Variants in BEND2 observed in about 807,000 individuals in gnomAD.
BEND2 encodes BEN domain-containing protein 2.
In BEND2, 19 loss-of-function variants were observed where a neutral mutation model predicts 43.8. That is an observed-to-expected ratio of 0.43 (90% confidence interval 0.30 to 0.64). BEND2 has a LOEUF of 0.64. BEND2 is among the 30% of genes least tolerant of loss of function. The pLI is 0.11. For synonymous variants in BEND2, 226 were observed against 210.1 expected, an observed-to-expected ratio of 1.08 and a Z score of -0.66; for missense variants, 544 against 574.0, an observed-to-expected ratio of 0.95 and a Z score of 0.53.
At chrX:18,174,777 C>T (rs777173933) in intron 11 of BEND2, among the ~76,000 whole-genome samples, 6 of 109,861 alleles carry the variant, frequency 5.5e-5, no homozygotes, top group Non-Finnish European at 9.5e-5. Flanking sequence ...AAAAGTGTCT[C>T]GTGTGATTCT....
intron 6 of BEND2, 64 bp from the exon 7 acceptor site, chrX:18,195,506 A>G: frequency 2.0e-6 from 2 of 1,020,798 alleles, no homozygotes; most frequent in East Asian, 3.1e-5. Flanking sequence ...ATCCTTCTGG[A>G]AAAAAGGTAA....
chrX:18,170,786 G>A, intron 13 of BEND2: 4 of 335,924 alleles, frequency 1.2e-5, no homozygotes, highest in Non-Finnish European at 1.6e-5. Flanking sequence ...TTCTAGTAAA[G>A]CCATTCAAGA....
chrX:18,210,801 T>C (rs7877299), intron 4 of BEND2, among the ~76,000 whole-genome samples: 2,067 of 111,800 alleles, frequency 0.018, 43 homozygotes, highest in African/African-American at 0.063. Flanking sequence ...AAACAGACAG[T>C]AAATAACCAT....
At chrX:18,173,933 G>A in intron 12 of BEND2, 97 bp downstream of exon 12, 3 of 724,126 alleles carry the variant, frequency 4.1e-6, no homozygotes, top group Non-Finnish European at 6.0e-6. Flanking sequence ...CATAAAAGTA[G>A]AGAGAATAGT....
At chrX:18,194,148 A>G (rs1318743019) in intron 7 of BEND2, among the ~76,000 whole-genome samples, 1 of 111,753 alleles carries the variant, frequency 8.9e-6, no homozygotes, top group Non-Finnish European at 1.9e-5. Flanking sequence ...AGATGTGGAG[A>G]AATTGGATCA....
At chrX:18,214,004 CTGTT>C (rs1010903541) in intron 2 of BEND2, 93 bp from the exon 3 acceptor site, 2 of 104,865 alleles carry the variant, frequency 1.9e-5, no homozygotes, top group Non-Finnish European at 4.0e-5. Flanking sequence ...ATTTTTTAAG[CTGTT>C]TTTTTTTTCT....
Position 18,176,111 on chromosome X carries a change from T to C in BEND2, c.1631-18A>G. On this transcript the variant is annotated intron_variant, in intron 10 of 13. Transcript: ENST00000380033. ...CAGATATTCTGCAAACAGCAGAAAG[T>C]ATTCACGAAAATTAGAAAAAAAAAT... 8.5e-7 allele frequency: 1 copy of C among 1,171,316 alleles called. No homozygotes were observed. Among genetic ancestry groups the C allele is most frequent in the Non-Finnish European group, 1.1e-6 (1 of 881,529 alleles).
intron 6 of BEND2, among the ~76,000 whole-genome samples, chrX:18,201,199 G>C (rs1298813310): frequency 9.1e-6 from 1 of 109,469 alleles, no homozygotes; most frequent in Non-Finnish European, 1.9e-5. Flanking sequence ...TTGGAGACCA[G>C]CCTGACCAAC....
intron 8 of BEND2, 99 bp downstream of exon 8, chrX:18,190,902 C>A: frequency 1.4e-6 from 1 of 693,343 alleles, no homozygotes; most frequent in Non-Finnish European, 2.1e-6. Context: ...TAAAATAGTA[C>A]TATTGGGGGA....
chrX:18,205,866 C>T (rs751922681), intron 4 of BEND2, among the ~76,000 whole-genome samples: 31 of 110,656 alleles, frequency 2.8e-4, no homozygotes, highest in Non-Finnish European at 4.7e-4. Context: ...TTTCACAAGC[C>T]CTCCAGGTGA....
At chrX:18,200,580 T>C (rs1318089985) in intron 6 of BEND2, among the ~76,000 whole-genome samples, 1 of 108,544 alleles carries the variant, frequency 9.2e-6, no homozygotes, top group Admixed American at 9.9e-5. Context: ...AGTTTTCAGA[T>C]AACTATACTG....
At chrX:18,204,791 C>A (rs914641729) in intron 4 of BEND2, among the ~76,000 whole-genome samples, 19 of 111,402 alleles carry the variant, frequency 1.7e-4, no homozygotes, top group Non-Finnish European at 3.4e-4. Context: ...TGCCTCTACA[C>A]CAGCACATTG....
chrX:18,208,588 C>A (rs1346359771), intron 4 of BEND2, among the ~76,000 whole-genome samples: 1 of 111,093 alleles, frequency 9.0e-6, no homozygotes, highest in South Asian at 3.8e-4. Context: ...TTTTTAAATT[C>A]TTTTTGTTTC....
At chrX:18,201,055 G>A (rs1021201092) in intron 6 of BEND2, among the ~76,000 whole-genome samples, 1 of 111,460 alleles carries the variant, frequency 9.0e-6, no homozygotes, top group African/African-American at 3.3e-5. Flanking sequence ...ATCTCAAACC[G>A]AAAAGTTTAG....
chrX:18,197,313 A>T (rs1924986748), intron 6 of BEND2, among the ~76,000 whole-genome samples: 1 of 111,096 alleles, frequency 9.0e-6, no homozygotes, highest in Non-Finnish European at 1.9e-5. Flanking sequence ...CATGCCCTAT[A>T]GTTCCAGCTA....
At chrX:18,208,353 G>A (rs779336247) in intron 4 of BEND2, among the ~76,000 whole-genome samples, 1 of 110,035 alleles carries the variant, frequency 9.1e-6, no homozygotes, top group Admixed American at 9.8e-5. Context: ...CGGGCGTGGT[G>A]GCACGTGCCT....
chrX:18,174,217 T>C lies in BEND2; in HGVS notation c.1794A>G (p.Ala598=), dbSNP rs762462351. ...GGTCATTTCTATCTGCAGATGCCGA[T>C]GCAACACGGTTGGTACGTTTTTTAT... ...RKNKKRTNRV[A]SASADRNDQR... is the part of the protein sequence containing the mutation. Residue 598 remains alanine, a synonymous_variant, in exon 12 of 14, where the codon GCA becomes GCG. Coordinates refer to ENST00000380033, the MANE Select transcript of BEND2 (RefSeq NM_153346.5). 1.6e-5 allele frequency: 19 copies of C among 1,210,093 alleles called. No homozygotes were observed. The Admixed American group carries it at 1.8e-4, about 11-fold the overall frequency.
intron 9 of BEND2, 64 bp downstream of exon 9, chrX:18,180,446 T>C: frequency 1.7e-6 from 2 of 1,183,266 alleles, no homozygotes; most frequent in Non-Finnish European, 2.3e-6. Context: ...CTGTCTTGCA[T>C]CAAGGAAGTG....
intron 8 of BEND2, among the ~76,000 whole-genome samples, chrX:18,184,888 T>C (rs1443791234): frequency 9.0e-6 from 1 of 110,724 alleles, no homozygotes; most frequent in Non-Finnish European, 1.9e-5. Flanking sequence ...AAAATAGATG[T>C]TTTGAGGAAA....
Sources: gnomAD v4.1 joint callset for allele counts (sites outside exome capture counted in the v4.1 genomes callset) on GRCh38, gnomAD v4.1.1 for gene constraint, MANE v1.5 for transcripts, NCBI Gene and HGNC (gene_info 2026-07-23, HGNC 2026-07-21) for gene names.